Variants in GALNT13 observed in about 807,000 individuals in gnomAD.
The protein encoded by GALNT13 is polypeptide N-acetylgalactosaminyltransferase 13.
In GALNT13, 28 loss-of-function variants were observed where a neutral mutation model predicts 64.2. The observed-to-expected ratio is 0.44, with a 90% CI of 0.32 to 0.60. The LOEUF (loss-of-function observed/expected upper bound fraction) is 0.60, where lower values mean the gene tolerates loss of function less well. Ranked by LOEUF, GALNT13 falls within the 20% of genes least tolerant of loss-of-function variation. GALNT13 has a pLI of 0.05. For synonymous variants in GALNT13, 214 were observed against 224.6 expected, an observed-to-expected ratio of 0.95 and a Z score of 0.42; for missense variants, 577 against 669.8, an observed-to-expected ratio of 0.86 and a Z score of 1.53.
chr2:153,588,565 C>A, the GALNT13 span, among the ~76,000 whole-genome samples: 425 of 152,254 alleles, frequency 2.8e-3, 8 homozygotes, highest in Admixed American at 0.023. Context: ...GGCTGGGATG[C>A]AGGGCACCCT....
chr2:153,851,884 T>C, the GALNT13 span, among the ~76,000 whole-genome samples: 2 of 152,094 alleles, frequency 1.3e-5, no homozygotes, highest in East Asian at 1.9e-4. Context: ...GGAAACAAAA[T>C]GTATGACAAG....
rs538680438 is a variant in GALNT13, at chr2:154,239,868, C to T, written c.312-2162C>T. On this transcript the variant is annotated intron_variant, in intron 4 of 12. Transcript: ENST00000392825. ...AAAAAATAATGAAGATCTTAACTGGCACACAATCAAGTATCTGTTATATGC... is the reference window on the plus strand; with the variant it reads ...AAAAAATAATGAAGATCTTAACTGGTACACAATCAAGTATCTGTTATATGC... 9.9e-5 allele frequency among the ~76,000 whole-genome samples: 15 copies of T among 152,218 alleles called. No homozygotes were observed. In the South Asian group the frequency reaches 3.1e-3, roughly 32 times the overall value.
At chr2:153,815,104 C>T in the GALNT13 span, among the ~76,000 whole-genome samples, 3 of 152,166 alleles carry the variant, frequency 2.0e-5, no homozygotes, top group Non-Finnish European at 1.5e-5. Flanking sequence ...ACAACCCTGT[C>T]TTCTGTCATT....
chr2:153,895,439 C>A (rs761864853), intron 1 of GALNT13, among the ~76,000 whole-genome samples: 1 of 151,886 alleles, frequency 6.6e-6, no homozygotes, highest in Non-Finnish European at 1.5e-5. Flanking sequence ...CATGCCTTTC[C>A]GTATAAACAA....
chr2:153,673,161 C>T, the GALNT13 span, among the ~76,000 whole-genome samples: 1 of 152,172 alleles, frequency 6.6e-6, no homozygotes, highest in Non-Finnish European at 1.5e-5. Context: ...CCTTCTGAAA[C>T]TATTCCAATG....
At chr2:153,855,678 A>G in the GALNT13 span, among the ~76,000 whole-genome samples, 1 of 152,174 alleles carries the variant, frequency 6.6e-6, no homozygotes, top group Non-Finnish European at 1.5e-5. Context: ...TTAGTCTGGC[A>G]ATTCCTAAAA....
the GALNT13 span, among the ~76,000 whole-genome samples, chr2:153,075,478 A>G: frequency 2.6e-5 from 4 of 152,172 alleles, no homozygotes. Flanking sequence ...CACTATGACC[A>G]ATTATATAAT....
At chr2:154,446,439 G>A in intron 12 of GALNT13, 1 of 996,432 alleles carries the variant, frequency 1.0e-6, no homozygotes, top group Non-Finnish European at 1.4e-6. Context: ...ACAGCTCCAT[G>A]GATACAATTA....
intron 4 of GALNT13, among the ~76,000 whole-genome samples, chr2:154,240,741 T>A (rs1446967110): frequency 6.6e-6 from 1 of 152,186 alleles, no homozygotes; most frequent in East Asian, 1.9e-4. Flanking sequence ...CTCTACCTTG[T>A]CACTACCTTG....
intron 3 of GALNT13, among the ~76,000 whole-genome samples, chr2:154,115,254 C>A (rs1703222349): frequency 6.6e-6 from 1 of 152,086 alleles, no homozygotes. Flanking sequence ...TTTTAGCTAA[C>A]TAAGCAAATA....
intron 2 of GALNT13, among the ~76,000 whole-genome samples, chr2:153,929,741 T>C (rs748416638): frequency 3.9e-5 from 6 of 152,186 alleles, no homozygotes; most frequent in Non-Finnish European, 8.8e-5. Context: ...CTTTATTTAG[T>C]CTACCAGTGA....
chr2:154,194,139 G>T (rs945247790), intron 4 of GALNT13, among the ~76,000 whole-genome samples: 1 of 151,810 alleles, frequency 6.6e-6, no homozygotes, highest in Non-Finnish European at 1.5e-5. Context: ...CTCATCATGT[G>T]TTTTTTTTCT....
At chr2:153,270,682 C>A in the GALNT13 span, among the ~76,000 whole-genome samples, 48 of 152,150 alleles carry the variant, frequency 3.2e-4, no homozygotes, top group African/African-American at 8.9e-4. Context: ...GAAATCCTGT[C>A]TCTATAAGAA....
intron 3 of GALNT13, among the ~76,000 whole-genome samples, chr2:153,949,534 C>G (rs1487151640): frequency 6.7e-5 from 10 of 150,076 alleles, no homozygotes; most frequent in Admixed American, 6.0e-4. Flanking sequence ...AAAACCTTCA[C>G]AAAGGCTGTA....
chr2:153,256,043 A>G, the GALNT13 span, among the ~76,000 whole-genome samples: 1,514 of 152,276 alleles, frequency 9.9e-3, 15 homozygotes, highest in Non-Finnish European at 0.015. Flanking sequence ...GTTCTCCTGC[A>G]TAATATCCTG....
At chr2:153,830,536 C>CA in the GALNT13 span, among the ~76,000 whole-genome samples, 2 of 151,856 alleles carry the variant, frequency 1.3e-5, no homozygotes, top group Admixed American at 6.5e-5. Context: ...AATTTCATAC[C>CA]AAAAAAAGAT....
At chr2:154,290,660 G>C (rs771400656) in intron 8 of GALNT13, among the ~76,000 whole-genome samples, 1 of 152,146 alleles carries the variant, frequency 6.6e-6, no homozygotes, top group South Asian at 2.1e-4. Flanking sequence ...CTGCTAGGAG[G>C]GCTCATGTTG....
At chr2:154,051,038 T>C (rs931755592) in intron 3 of GALNT13, among the ~76,000 whole-genome samples, 3 of 152,136 alleles carry the variant, frequency 2.0e-5, no homozygotes, top group Non-Finnish European at 4.4e-5. Flanking sequence ...TTTGGGAACA[T>C]TGTGTCAGAC....
chr2:153,376,845 A>G, the GALNT13 span, among the ~76,000 whole-genome samples: 2 of 152,326 alleles, frequency 1.3e-5, no homozygotes, highest in Admixed American at 1.3e-4. Flanking sequence ...TACATTCTTC[A>G]TGGACATACA....
Sources: gnomAD v4.1 joint callset for allele counts (sites outside exome capture counted in the v4.1 genomes callset) on GRCh38, gnomAD v4.1.1 for gene constraint, MANE v1.5 for transcripts, NCBI Gene and HGNC (gene_info 2026-07-23, HGNC 2026-07-21) for gene names.